The following DAB2IP variants were observed in gnomAD, a reference collection of about 807,000 sequenced individuals.
The protein encoded by DAB2IP is DAB2 interacting protein.
Under a neutral mutation model 107.2 loss-of-function variants are expected in DAB2IP, and 28 were observed. The observed-to-expected ratio is 0.26, with a 90% CI of 0.19 to 0.36. DAB2IP has a LOEUF of 0.36. Among genes scored for constraint, DAB2IP ranks in the 10% least tolerant of loss-of-function variants. The pLI is 1.00. For synonymous variants in DAB2IP, 755 were observed against 706.4 expected, an observed-to-expected ratio of 1.07 and a Z score of -1.09; for missense variants, 1,400 against 1,644.7, an observed-to-expected ratio of 0.85 and a Z score of 2.57.
intron 3 of DAB2IP, among the ~76,000 whole-genome samples, chr9:121,748,001 C>T (rs936909936): frequency 3.3e-5 from 5 of 152,214 alleles, no homozygotes; most frequent in South Asian, 2.1e-4. Flanking sequence ...CCAGTACCAG[C>T]GCCCTCTCGA....
intron 1 of DAB2IP, among the ~76,000 whole-genome samples, chr9:121,631,256 G>A (rs1241883070): frequency 2.0e-5 from 3 of 152,236 alleles, no homozygotes; most frequent in African/African-American, 7.2e-5. Context: ...CAGGAGTTCA[G>A]AGGAGGAGAG....
chr9:121,743,936 G>C (rs1319764998), intron 3 of DAB2IP, among the ~76,000 whole-genome samples: 2 of 152,200 alleles, frequency 1.3e-5, no homozygotes, highest in South Asian at 4.1e-4. Context: ...AGGGACCTGT[G>C]AAAAAGCGGG....
intron 10 of DAB2IP, among the ~76,000 whole-genome samples, chr9:121,769,458 C>A (rs570888654): frequency 6.6e-6 from 1 of 152,210 alleles, no homozygotes; most frequent in Non-Finnish European, 1.5e-5. Context: ...GCATTTCTTA[C>A]CACTGTGTTG....
At chr9:121,749,410 T>TC (rs1175109865) in intron 3 of DAB2IP, among the ~76,000 whole-genome samples, 1 of 152,260 alleles carries the variant, frequency 6.6e-6, no homozygotes, top group Non-Finnish European at 1.5e-5. Context: ...ATTGGCATGT[T>TC]CTGACCTGAT....
chr9:121,687,776 G>A (rs1828957481), intron 2 of DAB2IP, among the ~76,000 whole-genome samples: 1 of 152,196 alleles, frequency 6.6e-6, no homozygotes, highest in South Asian at 2.1e-4. Context: ...GATGGGGAGT[G>A]AAGAGATAGC....
exon 13 of DAB2IP, chr9:121,774,284 G>A: frequency 6.2e-7 from 1 of 1,613,142 alleles, no homozygotes; most frequent in Non-Finnish European, 8.5e-7. Context: ...GAGCCCCAAT[G>A]CCCTGGACCG....
In DAB2IP at chr9:121,698,945, G is replaced by C. The variant is rs1040980732; in HGVS notation, c.229-380G>C. ...GAGGTGAGCGGGGCGGCCGGCCCTG[G>C]CGGTCCCCGGGGGTCTCCGCCCCTC... On this transcript the variant is annotated intron_variant, in intron 2 of 15. Coordinates refer to ENST00000408936, the Ensembl canonical transcript of DAB2IP. The surrounding 1 kb of genome is among the most constrained non-coding windows in gnomAD (Gnocchi z 4.1). Among the ~76,000 whole-genome samples the C allele has an allele frequency of 2.0e-5, 3 of 151,902 alleles. No homozygotes were observed. The highest frequency in any genetic ancestry group is 4.4e-5 in the Non-Finnish European group (3 of 67,870).
chr9:121,589,825 C>T (rs1830387710), intron 1 of DAB2IP, among the ~76,000 whole-genome samples: 1 of 152,150 alleles, frequency 6.6e-6, no homozygotes, highest in Admixed American at 6.5e-5. Context: ...CTCAGGATGA[C>T]TCTGAAGGGC....
chr9:121,607,769 G>A (rs961908198), intron 1 of DAB2IP, among the ~76,000 whole-genome samples: 1 of 152,218 alleles, frequency 6.6e-6, no homozygotes. Flanking sequence ...CTTAAGAGGG[G>A]AGGGGAGGGA....
chr9:121,662,024 G>C lies in DAB2IP; in HGVS notation c.124+10125G>C, dbSNP rs546466499. 6.6e-6 allele frequency among the ~76,000 whole-genome samples: 1 copy of C among 151,212 alleles called. No individual in the cohort carries two copies. The highest frequency in any genetic ancestry group is 1.5e-5 in the Non-Finnish European group (1 of 67,804). ...AACCCAACTCCTAAGATTACAAAAA[G>C]CAGTAAATATCTATTACAGAACAGA... is the stretch of plus-strand genomic sequence containing the variant. On this transcript the variant is annotated intron_variant, in intron 1 of 15. Coordinates refer to ENST00000408936, the Ensembl canonical transcript of DAB2IP. This position sits in a 1 kb window ranked among gnomAD's most constrained non-coding sequence, Gnocchi z 4.6.
At position 121,590,936 on chromosome 9, in the gene DAB2IP, A is replaced by C. The variant is rs751119448; in HGVS notation, c.40+23708A>C. Among the ~76,000 whole-genome samples, 14 of 152,290 alleles carry C rather than the reference A, an allele frequency of 9.2e-5. No individual in the cohort carries two copies. In the East Asian group the frequency reaches 2.5e-3, roughly 27 times the overall value. On this transcript the variant is annotated intron_variant, in intron 1 of 16. Coordinates refer to the DAB2IP transcript ENST00000259371. The stretch of plus-strand genomic sequence containing the variant: ...CATCACCAACTGCAACGGACACCAT[A>C]AAGGAAAGTGACTTGAGCCATGGGT...
intron 6 of DAB2IP, among the ~76,000 whole-genome samples, 185 bp from the exon 7 acceptor site, chr9:121,763,320 C>G (rs987808734): frequency 2.0e-5 from 3 of 152,178 alleles, no homozygotes; most frequent in African/African-American, 7.2e-5. Flanking sequence ...GGCTGGGGGC[C>G]CCTGCCCTGC....
chr9:121,715,083 T>C (rs1230785483), intron 3 of DAB2IP, among the ~76,000 whole-genome samples: 1 of 152,236 alleles, frequency 6.6e-6, no homozygotes, highest in Non-Finnish European at 1.5e-5. Context: ...GGGGAACCCA[T>C]GCCAAGGGGC....
intron 13 of DAB2IP, among the ~76,000 whole-genome samples, chr9:121,775,552 C>T (rs950874922): frequency 6.6e-6 from 1 of 152,208 alleles, no homozygotes; most frequent in Admixed American, 6.5e-5. Context: ...GCGCAGAGCA[C>T]CTGACTCCTC....
intron 1 of DAB2IP, among the ~76,000 whole-genome samples, chr9:121,590,096 C>G (rs1189505459): frequency 6.6e-6 from 1 of 151,878 alleles, no homozygotes; most frequent in African/African-American, 2.4e-5. Flanking sequence ...AACAGCTGTT[C>G]TCCTGTTCAG....
chr9:121,657,902 C>T (rs1305938926), intron 1 of DAB2IP, among the ~76,000 whole-genome samples: 1 of 152,178 alleles, frequency 6.6e-6, no homozygotes, highest in Non-Finnish European at 1.5e-5. Context: ...TTTCCCTTGA[C>T]AACTGGGGAA....
exon 8 of DAB2IP, chr9:121,763,808 C>G: frequency 6.2e-7 from 1 of 1,614,152 alleles, no homozygotes; most frequent in Non-Finnish European, 8.5e-7. Flanking sequence ...CGGCCGCTGA[C>G]CTCCCAGAGC....
chr9:121,640,702 T>C lies in DAB2IP; in HGVS notation c.41-37976T>C, dbSNP rs1007220332. 5.9e-5 allele frequency among the ~76,000 whole-genome samples: 9 copies of C among 152,276 alleles called. 1 individual carries two copies. On this transcript the variant is annotated intron_variant, in intron 1 of 16. Transcript: ENST00000259371. The stretch of plus-strand genomic sequence containing the variant: ...CCCAACTCTCCAACTGGCCCTTCCT[T>C]ACTTTGCCTGCTACAGCTTCCTCTG...
At chr9:121,714,980 C>T (rs1041018392) in intron 3 of DAB2IP, among the ~76,000 whole-genome samples, 2 of 152,244 alleles carry the variant, frequency 1.3e-5, no homozygotes, top group Admixed American at 1.3e-4. Flanking sequence ...GGATATTTCT[C>T]GTTTCACAAG....
Sources: gnomAD v4.1 joint callset for allele counts (sites outside exome capture counted in the v4.1 genomes callset) on GRCh38, gnomAD v4.1.1 for gene constraint, Gnocchi (gnomAD v3.1) non-coding constraint, MANE v1.5 for transcripts, NCBI Gene and HGNC (gene_info 2026-07-23, HGNC 2026-07-21) for gene names.